Variants in CNTNAP5 observed in about 807,000 individuals in gnomAD.
CNTNAP5 encodes the protein contactin associated protein family member 5.
In CNTNAP5, 72 loss-of-function variants were observed where a neutral mutation model predicts 150.2. The ratio of observed to expected loss-of-function variants is 0.48; its 90% CI spans 0.40 to 0.58. The LOEUF (loss-of-function observed/expected upper bound fraction) is 0.58. CNTNAP5 is among the 20% of genes least tolerant of loss of function. CNTNAP5 has a pLI of 0.00. For synonymous variants in CNTNAP5, 672 were observed against 619.8 expected, an observed-to-expected ratio of 1.08 and a Z score of -1.25; for missense variants, 1,636 against 1,626.2, an observed-to-expected ratio of 1.01 and a Z score of -0.10.
chr2:124,034,343 A>G (rs1055050037), intron 1 of CNTNAP5, among the ~76,000 whole-genome samples: 2 of 152,216 alleles, frequency 1.3e-5, no homozygotes, highest in African/African-American at 4.8e-5. Context: ...GTGTAGGGCA[A>G]GGACAGCTAC....
intron 7 of CNTNAP5, among the ~76,000 whole-genome samples, chr2:124,496,048 G>C (rs929273163): frequency 6.6e-6 from 1 of 152,004 alleles, no homozygotes. Flanking sequence ...AGGTGGGCGG[G>C]TCTGAGTCTG....
At chr2:124,759,680 A>AGAAAATAAAAT (rs1300471589) in intron 14 of CNTNAP5, among the ~76,000 whole-genome samples, 8 of 151,814 alleles carry the variant, frequency 5.3e-5, no homozygotes, top group Non-Finnish European at 1.2e-4. Flanking sequence ...GAGCATTTAT[A>AGAAAATAAAAT]GAAAATAAAA....
chr2:124,846,371 C>A (rs367956517), intron 19 of CNTNAP5, among the ~76,000 whole-genome samples: 5 of 152,262 alleles, frequency 3.3e-5, no homozygotes, highest in African/African-American at 1.2e-4. Context: ...GATTGGACTG[C>A]TGAGACTTTC....
At chr2:124,160,714 G>A (rs1159486896) in intron 1 of CNTNAP5, among the ~76,000 whole-genome samples, 1 of 152,136 alleles carries the variant, frequency 6.6e-6, no homozygotes, top group Non-Finnish European at 1.5e-5. Context: ...ATGGTAAGCT[G>A]TTGACATAAA....
chr2:124,712,264 A>G (rs1292024866), intron 13 of CNTNAP5, among the ~76,000 whole-genome samples: 1 of 152,232 alleles, frequency 6.6e-6, no homozygotes, highest in African/African-American at 2.4e-5. Context: ...GCTAAATCTG[A>G]GCAGGCCAGA....
At chr2:124,303,526 C>A (rs754353999) in intron 3 of CNTNAP5, among the ~76,000 whole-genome samples, 5 of 152,170 alleles carry the variant, frequency 3.3e-5, no homozygotes, top group Non-Finnish European at 7.3e-5. Context: ...AAGTTAGAAT[C>A]AAACAGTTGT....
At chr2:124,500,034 T>C (rs1323794171) in intron 7 of CNTNAP5, among the ~76,000 whole-genome samples, 3 of 152,008 alleles carry the variant, frequency 2.0e-5, no homozygotes, top group African/African-American at 4.8e-5. Flanking sequence ...ATGAAATTTC[T>C]TGATGGAGCC....
At chr2:124,407,535 T>C (rs1053850019) in intron 3 of CNTNAP5, among the ~76,000 whole-genome samples, 1 of 152,140 alleles carries the variant, frequency 6.6e-6, no homozygotes, top group African/African-American at 2.4e-5. Flanking sequence ...AGAGACTCAA[T>C]AACTCAATGA....
chr2:124,401,200 G>A (rs563373064), intron 3 of CNTNAP5, among the ~76,000 whole-genome samples: 11 of 152,238 alleles, frequency 7.2e-5, no homozygotes, highest in Admixed American at 5.2e-4. Flanking sequence ...CAGAAGTCAC[G>A]CAAAATCCAG....
intron 6 of CNTNAP5, among the ~76,000 whole-genome samples, chr2:124,464,192 C>A (rs975943423): frequency 1.3e-5 from 2 of 151,962 alleles, no homozygotes; most frequent in African/African-American, 4.8e-5. Context: ...GGGATGTGAG[C>A]CTGGAGCACT....
intron 3 of CNTNAP5, among the ~76,000 whole-genome samples, chr2:124,361,011 T>C (rs1037378656): frequency 7.9e-6 from 1 of 127,212 alleles, no homozygotes; most frequent in African/African-American, 3.1e-5. Context: ...CTCATTTCTT[T>C]TTATTCTTTT....
At chr2:124,315,617 G>A (rs964830950) in intron 3 of CNTNAP5, among the ~76,000 whole-genome samples, 1 of 152,052 alleles carries the variant, frequency 6.6e-6, no homozygotes, top group Non-Finnish European at 1.5e-5. Context: ...AAAAATACTT[G>A]AAAGCTGTTG....
chr2:124,758,626 G>A (rs1263677526), intron 14 of CNTNAP5, among the ~76,000 whole-genome samples: 1 of 152,070 alleles, frequency 6.6e-6, no homozygotes, highest in Non-Finnish European at 1.5e-5. Flanking sequence ...AAAGGGTGCA[G>A]AGGAAGATGA....
intron 11 of CNTNAP5, among the ~76,000 whole-genome samples, chr2:124,608,064 A>G (rs1030702711): frequency 6.6e-6 from 1 of 152,144 alleles, no homozygotes; most frequent in Non-Finnish European, 1.5e-5. Context: ...CTTTCCTGGT[A>G]ATAAATTATT....
Position 124,902,912 on chromosome 2 carries a change from A to T in CNTNAP5, c.3467A>T (p.Lys1156Ile). ...ENLGLDSEVAKANAMGFAGCM... is the reference protein window; with the variant it reads ...ENLGLDSEVAIANAMGFAGCM... ...CTTGGTTTGGATTCTGAAGTTGCTA[A>T]AGCAAATGCCATGGGTTTTGCTGGA... Residue 1156 changes from lysine to isoleucine, a missense_variant, in exon 22 of 24, where the codon AAA becomes ATA. Coordinates refer to ENST00000682447, the MANE Select transcript of CNTNAP5 (RefSeq NM_001367498.1). The T allele has an allele frequency of 6.2e-7, 1 of 1,610,776 alleles. No homozygotes were observed. The highest frequency in any genetic ancestry group is 8.5e-7 in the Non-Finnish European group (1 of 1,177,534).
chr2:124,866,888 C>G (rs1290569168), intron 20 of CNTNAP5, among the ~76,000 whole-genome samples: 1 of 152,192 alleles, frequency 6.6e-6, no homozygotes, highest in Non-Finnish European at 1.5e-5. Flanking sequence ...TTTGTCTTAA[C>G]TCTGAGCAGA....
chr2:124,042,786 C>T (rs1462273223), intron 1 of CNTNAP5, among the ~76,000 whole-genome samples: 1 of 86,842 alleles, frequency 1.2e-5, no homozygotes, highest in African/African-American at 5.2e-5. Flanking sequence ...TCTCTATCAT[C>T]TATCTATCTA....
chr2:124,643,604 G>A (rs756394588), intron 12 of CNTNAP5, among the ~76,000 whole-genome samples: 4 of 152,112 alleles, frequency 2.6e-5, no homozygotes, highest in African/African-American at 7.2e-5. Context: ...GTTCCCCATC[G>A]CAGTCCTCTA....
At chr2:124,666,405 C>T (rs920186512) in intron 13 of CNTNAP5, among the ~76,000 whole-genome samples, 1 of 152,132 alleles carries the variant, frequency 6.6e-6, no homozygotes, top group Admixed American at 6.5e-5. Context: ...TGTGACTTAA[C>T]CCTTGTCTGG....
Sources: gnomAD v4.1 joint callset for allele counts (sites outside exome capture counted in the v4.1 genomes callset) on GRCh38, gnomAD v4.1.1 for gene constraint, MANE v1.5 for transcripts, NCBI Gene and HGNC (gene_info 2026-07-23, HGNC 2026-07-21) for gene names.